CEP170: variants seen among roughly 807,000 people sequenced by gnomAD.
The protein encoded by CEP170 is centrosomal protein 170.
CEP170 carries 21 observed loss-of-function variants against 151.9 expected under a neutral mutation model. The observed-to-expected ratio is 0.14, with a 90% CI of 0.10 to 0.20. The LOEUF (loss-of-function observed/expected upper bound fraction) is 0.20. Among genes scored for constraint, CEP170 ranks in the 10% least tolerant of loss-of-function variants. The pLI is 1.00. For synonymous variants in CEP170, 356 were observed against 648.8 expected, an observed-to-expected ratio of 0.55 and a Z score of 6.86; for missense variants, 964 against 1,892.9, an observed-to-expected ratio of 0.51 and a Z score of 9.11.
In CEP170 at chr1:243,225,992, TACACGTATATATATCTAGATATATATAC is replaced by T. The variant is rs569134822; in HGVS notation, c.-41-699_-41-672del. Among the ~76,000 whole-genome samples the T allele has an allele frequency of 3.2e-3, 474 of 147,864 alleles. 2 individuals carry two copies. The highest frequency in any genetic ancestry group is 0.03 in the Middle Eastern group (8 of 264). On this transcript the variant is annotated intron_variant, in intron 1 of 19. Transcript: ENST00000366542. ...ATATCTATCTATCTATCTATATATA[TACACGTATATATATCTAGATATATATAC>T]ACACGTATATATATCTATCTCTAGA...
At chr1:243,244,265 T>C (rs2065140580) in intron 1 of CEP170, among the ~76,000 whole-genome samples, 1 of 151,948 alleles carries the variant, frequency 6.6e-6, no homozygotes, top group African/African-American at 2.4e-5. Context: ...CATTGTGAAA[T>C]TCAACTGTCC....
intron 14 of CEP170, among the ~76,000 whole-genome samples, chr1:243,147,176 A>G (rs1187799253): frequency 2.6e-5 from 4 of 152,238 alleles, no homozygotes; most frequent in African/African-American, 9.6e-5. Flanking sequence ...TGTGGCTTTA[A>G]TGTGATAAGG....
intron 1 of CEP170, among the ~76,000 whole-genome samples, chr1:243,242,439 C>T (rs1230136950): frequency 6.6e-6 from 1 of 151,796 alleles, no homozygotes; most frequent in East Asian, 1.9e-4. Flanking sequence ...AGGATGGTCT[C>T]GATCTCCTGA....
rs1428304125 is a variant in CEP170, at chr1:243,191,169, C to G, written c.957G>C (p.Leu319Phe). The G allele has an allele frequency of 5.6e-6, 9 of 1,612,604 alleles. No individual in the cohort carries two copies. The highest frequency in any genetic ancestry group is 5.9e-6 in the Non-Finnish European group (7 of 1,179,242). Residue 319 changes from leucine to phenylalanine, a missense_variant, in exon 8 of 20, where the codon TTG (leucine) becomes TTC (phenylalanine). Physicochemically the swap from Leu to Phe is conservative, Grantham distance 22. Coordinates refer to ENST00000366542, the MANE Select transcript of CEP170 (RefSeq NM_014812.3). ...SKKSSPGTQD[L>F]LGIQTGMMAP... is the part of the protein sequence containing the mutation. ...CCATCATTCCTGTTTGAATCCCCAG[C>G]AAGTCTTGAGTTCCAGGAGAAGACT...
chr1:243,181,080 T>C (rs548165383), intron 10 of CEP170, among the ~76,000 whole-genome samples: 18 of 152,330 alleles, frequency 1.2e-4, no homozygotes, highest in Admixed American at 1.1e-3. Context: ...ATGTTTAGCT[T>C]TCTGTTCTTA....
intron 1 of CEP170, among the ~76,000 whole-genome samples, chr1:243,226,933 T>A (rs2063345295): frequency 2.6e-5 from 4 of 152,092 alleles, no homozygotes; most frequent in Admixed American, 1.3e-4. Context: ...AAGTTGCAGT[T>A]AGCTGAGATC....
chr1:243,234,697 T>G (rs561886815), intron 1 of CEP170, among the ~76,000 whole-genome samples: 3 of 152,294 alleles, frequency 2.0e-5, no homozygotes, highest in African/African-American at 7.2e-5. Flanking sequence ...AAATATATCC[T>G]CAACACCAGA....
chr1:243,153,843 T>G (rs1000822112), intron 14 of CEP170, among the ~76,000 whole-genome samples: 1 of 152,238 alleles, frequency 6.6e-6, no homozygotes, highest in Non-Finnish European at 1.5e-5. Flanking sequence ...ATTTTTAGGT[T>G]GAATGTATTT....
intron 7 of CEP170, among the ~76,000 whole-genome samples, chr1:243,192,049 C>T (rs1429959216): frequency 1.3e-5 from 2 of 152,158 alleles, no homozygotes; most frequent in African/African-American, 2.4e-5. Context: ...CCATTACATT[C>T]GGAAACATTA....
At chr1:243,255,592 G>A (rs977976636), upstream of CEP170, among the ~76,000 whole-genome samples, 1 of 152,248 alleles carries the variant, frequency 6.6e-6, no homozygotes, top group Non-Finnish European at 1.5e-5. Context: ...CTGTTTGGAA[G>A]ATTTAGAGCT....
intron 16 of CEP170, among the ~76,000 whole-genome samples, chr1:243,138,006 A>T (rs532226868): frequency 1.1e-4 from 16 of 152,022 alleles, no homozygotes; most frequent in African/African-American, 3.4e-4. Flanking sequence ...TAAGGATGGA[A>T]GACATATACA....
At chr1:243,127,816 G>A (rs2053885473) in intron 19 of CEP170, among the ~76,000 whole-genome samples, 2 of 152,080 alleles carry the variant, frequency 1.3e-5, no homozygotes, top group African/African-American at 4.8e-5. Flanking sequence ...TGGCCAATAT[G>A]TACTCATTTC....
chr1:243,186,053 C>G lies in CEP170; in HGVS notation c.1292G>C (p.Arg431Thr). 1.2e-6 allele frequency: 2 copies of G among 1,613,752 alleles called. No homozygotes were observed. Among genetic ancestry groups the G allele is most frequent in the Non-Finnish European group, 1.7e-6 (2 of 1,179,682 alleles). ...CCCATGTGGAACACCATGCCCCCCT[C>G]TGTGATGCGCAGAGCTAGTCTGTAA... is the stretch of plus-strand genomic sequence containing the variant. ...DQAVTSSAHH[R>T]GGHGVPHGKL... The change falls in exon 10 of 20, where the codon AGA becomes ACA. Residue 431 changes from arginine (R) to threonine (T), a missense_variant. By Grantham distance (71) the Arg-to-Thr change is moderately conservative. Coordinates refer to ENST00000366542, the MANE Select transcript of CEP170 (RefSeq NM_014812.3).
At chr1:243,181,169 CTT>C (rs1446399815) in intron 10 of CEP170, among the ~76,000 whole-genome samples, 1 of 152,098 alleles carries the variant, frequency 6.6e-6, no homozygotes, top group African/African-American at 2.4e-5. Flanking sequence ...GTGGTTATCT[CTT>C]TTGATGGAAG....
At chr1:243,180,982 A>G (rs2059584385) in intron 10 of CEP170, among the ~76,000 whole-genome samples, 1 of 152,208 alleles carries the variant, frequency 6.6e-6, no homozygotes, top group South Asian at 2.1e-4. Context: ...GAGTTGGTCT[A>G]TGGTATGAAA....
At chr1:243,140,276 T>C in intron 15 of CEP170, 169 bp from the exon 16 acceptor site, 1 of 1,015,244 alleles carries the variant, frequency 9.8e-7, no homozygotes, top group African/African-American at 1.6e-5. Context: ...GCACTTCAAA[T>C]GTATTTCCTT....
At chr1:243,200,743 A>G in intron 5 of CEP170, 34 bp downstream of exon 5, 1 of 1,609,240 alleles carries the variant, frequency 6.2e-7, no homozygotes, top group Non-Finnish European at 8.5e-7. Flanking sequence ...AGTGAAGAGT[A>G]GATTTGCAAA....
intron 1 of CEP170, chr1:243,254,592 GA>G: frequency 1.3e-5 from 2 of 152,412 alleles, no homozygotes; most frequent in South Asian, 2.1e-4. Context: ...TCCAATGGGG[GA>G]AAAATCCCTT....
At chr1:243,162,813 C>T (rs568478305) in intron 13 of CEP170, among the ~76,000 whole-genome samples, 8 of 152,222 alleles carry the variant, frequency 5.3e-5, no homozygotes, top group African/African-American at 1.7e-4. Flanking sequence ...TCAGGAAATG[C>T]AGCACAGATG....
Sources: allele counts gnomAD v4.1 joint callset (sites outside exome capture counted in the v4.1 genomes callset), GRCh38; gene constraint gnomAD v4.1.1; transcripts MANE v1.5; gene names NCBI Gene and HGNC (gene_info 2026-07-23, HGNC 2026-07-21).